Variants in SCFD2 observed in about 807,000 individuals in gnomAD.
The protein encoded by SCFD2 is sec1 family domain-containing protein 2.
SCFD2 carries 54 observed loss-of-function variants against 58.9 expected under a neutral mutation model. That is an observed-to-expected ratio of 0.92 (90% CI 0.74 to 1.15). The LOEUF (loss-of-function observed/expected upper bound fraction) is 1.15. Ranked by LOEUF, SCFD2 falls within the 50% of genes most tolerant of loss-of-function variation. The pLI is 0.00. For synonymous variants in SCFD2, 321 were observed against 335.9 expected, an observed-to-expected ratio of 0.96 and a Z score of 0.49; for missense variants, 805 against 836.6, an observed-to-expected ratio of 0.96 and a Z score of 0.47.
chr4:53,345,627 GC>G (rs928888881), intron 2 of SCFD2, among the ~76,000 whole-genome samples: 1 of 151,880 alleles, frequency 6.6e-6, no homozygotes, highest in Non-Finnish European at 1.5e-5. Context: ...AAATCATGCT[GC>G]CATAAAGACA....
intron 3 of SCFD2, among the ~76,000 whole-genome samples, chr4:53,276,490 G>A (rs1279032300): frequency 6.6e-6 from 1 of 151,890 alleles, no homozygotes; most frequent in African/African-American, 2.4e-5. Flanking sequence ...AGGTTCAGAG[G>A]TACATGTACT....
intron 5 of SCFD2, chr4:52,956,384 A>C: frequency 5.4e-6 from 2 of 373,428 alleles, no homozygotes; most frequent in South Asian, 4.0e-5. Context: ...AATCCAGCTT[A>C]AATTATCTTA....
At chr4:52,981,995 G>C (rs1284203298) in intron 5 of SCFD2, among the ~76,000 whole-genome samples, 3 of 152,170 alleles carry the variant, frequency 2.0e-5, no homozygotes, top group Non-Finnish European at 1.5e-5. Context: ...ATGTATTTTA[G>C]AATTAGAATC....
chr4:53,035,685 C>G lies in SCFD2; in HGVS notation c.1561+109648G>C, dbSNP rs573566653. ...GCGAAGGATATGAACAGACACTTCT[C>G]AAAAGAAGACATTTATGCAGCCAAC... On this transcript the variant is annotated intron_variant, in intron 5 of 8. Transcript: ENST00000401642. 9.2e-5 allele frequency among the ~76,000 whole-genome samples: 14 copies of G among 152,274 alleles called. No individual in the cohort carries two copies. In the South Asian group the frequency reaches 2.9e-3, roughly 32 times the overall value.
chr4:53,107,475 G>A (rs748913963), intron 5 of SCFD2, among the ~76,000 whole-genome samples: 1 of 152,124 alleles, frequency 6.6e-6, no homozygotes, highest in Admixed American at 6.5e-5. Context: ...CTGTATTCAG[G>A]AGATCTACCT....
chr4:53,187,530 G>C (rs1727773496), intron 4 of SCFD2, among the ~76,000 whole-genome samples: 1 of 152,094 alleles, frequency 6.6e-6, no homozygotes, highest in Non-Finnish European at 1.5e-5. Context: ...TTGTTTATAA[G>C]AGTGAAAAAC....
chr4:52,953,243 C>T (rs1720640749), intron 5 of SCFD2, among the ~76,000 whole-genome samples: 1 of 152,186 alleles, frequency 6.6e-6, no homozygotes, highest in South Asian at 2.1e-4. Flanking sequence ...AGCCATTTAA[C>T]TACAGTAGTT....
At chr4:53,182,498 G>T (rs376374359) in intron 4 of SCFD2, among the ~76,000 whole-genome samples, 3 of 151,972 alleles carry the variant, frequency 2.0e-5, no homozygotes, top group Non-Finnish European at 4.4e-5. Context: ...ACACAAAAAT[G>T]AATTCAAGAT....
In SCFD2 at chr4:53,313,654, G is replaced by C. The variant is rs770879010; in HGVS notation, c.1117C>G (p.Pro373Ala). The C allele has an allele frequency of 5.0e-6, 8 of 1,613,940 alleles. No homozygotes were observed. Among genetic ancestry groups the C allele is most frequent in the Non-Finnish European group, 6.8e-6 (8 of 1,179,882 alleles). The change falls in exon 3 of 9, where the codon CCA (proline) becomes GCA (alanine). Residue 373 changes from proline (P) to alanine (A), a missense_variant. By Grantham distance (27) the Pro-to-Ala change is conservative. Around this residue, in one of 3 missense-constraint regions of SCFD2, gnomAD observed 633 missense variants for 646.8 expected, o/e 0.98. Transcript: ENST00000401642. Reference protein sequence around the residue: ...LVEAASRENLPIKMSMGRVTP... With the variant: ...LVEAASRENLAIKMSMGRVTP... The stretch of plus-strand genomic sequence containing the variant: ...GGCTTACCCATACTCATCTTGATTG[G>C]CAGGTTTTCTCTGCTTGCCGCTTCC...
intron 7 of SCFD2, among the ~76,000 whole-genome samples, chr4:52,901,822 G>A (rs1023519837): frequency 1.3e-5 from 2 of 152,232 alleles, no homozygotes; most frequent in Non-Finnish European, 2.9e-5. Flanking sequence ...GCAATATGAT[G>A]CAAATGAAAT....
At chr4:53,329,472 C>A (rs1001464554) in intron 2 of SCFD2, among the ~76,000 whole-genome samples, 1 of 151,306 alleles carries the variant, frequency 6.6e-6, no homozygotes, top group African/African-American at 2.4e-5. Context: ...GAGGCACCCC[C>A]CAGCAGGGGC....
chr4:52,939,764 T>C (rs1442160577), intron 5 of SCFD2, among the ~76,000 whole-genome samples: 2 of 150,322 alleles, frequency 1.3e-5, no homozygotes, highest in Non-Finnish European at 3.0e-5. Flanking sequence ...AAAGGAAAGC[T>C]AGGAAATAAA....
intron 4 of SCFD2, among the ~76,000 whole-genome samples, chr4:53,169,791 G>C (rs1367990595): frequency 6.6e-6 from 1 of 152,072 alleles, no homozygotes; most frequent in Admixed American, 6.6e-5. Flanking sequence ...TTAGTGATTT[G>C]GGGCATGTTT....
At chr4:53,319,827 C>T (rs1321133112) in intron 2 of SCFD2, among the ~76,000 whole-genome samples, 1 of 152,216 alleles carries the variant, frequency 6.6e-6, no homozygotes, top group Admixed American at 6.5e-5. Context: ...CCACTAGGCC[C>T]ACCCGTCTCT....
At chr4:53,174,631 A>C (rs1727274583) in intron 4 of SCFD2, among the ~76,000 whole-genome samples, 2 of 152,308 alleles carry the variant, frequency 1.3e-5, no homozygotes, top group South Asian at 4.1e-4. Flanking sequence ...TCAATCAACC[A>C]CTTCAATAAA....
At chr4:53,133,769 TTCACAGTTGATAAGACTCTGC>T (rs1381263580) in intron 5 of SCFD2, among the ~76,000 whole-genome samples, 1 of 152,218 alleles carries the variant, frequency 6.6e-6, no homozygotes, top group African/African-American at 2.4e-5. Context: ...TCCTTCCTCA[TTCACAGTTGATAAGACTCTGC>T]TCTGTTAGAT....
chr4:52,975,869 T>C (rs1306512694), intron 5 of SCFD2, among the ~76,000 whole-genome samples: 1 of 152,062 alleles, frequency 6.6e-6, no homozygotes, highest in African/African-American at 2.4e-5. Flanking sequence ...TCACGTTCTT[T>C]GTAGGGACAC....
intron 3 of SCFD2, among the ~76,000 whole-genome samples, chr4:53,298,419 G>C (rs777729924): frequency 6.6e-6 from 1 of 152,198 alleles, no homozygotes; most frequent in Non-Finnish European, 1.5e-5. Context: ...CCATAGCTCA[G>C]GCTTGAGTAG....
intron 5 of SCFD2, among the ~76,000 whole-genome samples, chr4:52,975,228 C>G (rs1380908927): frequency 6.6e-6 from 1 of 152,150 alleles, no homozygotes; most frequent in East Asian, 1.9e-4. Context: ...CTAGAGTGAA[C>G]AGGCAACCTA....
Sources: allele counts gnomAD v4.1 joint callset (sites outside exome capture counted in the v4.1 genomes callset), GRCh38; gene constraint gnomAD v4.1.1; regional missense constraint gnomAD v4.1.1; transcripts MANE v1.5; gene names NCBI Gene and HGNC (gene_info 2026-07-23, HGNC 2026-07-21).